Variants in CD200R1L observed in about 807,000 individuals in gnomAD.
CD200R1L encodes the protein cell surface glycoprotein CD200 receptor 2.
A neutral mutation model predicts 24.8 loss-of-function variants in CD200R1L; 14 were observed. The observed-to-expected ratio is 0.56, with a 90% CI of 0.37 to 0.88. The LOEUF (loss-of-function observed/expected upper bound fraction) is 0.88, where lower values mean the gene tolerates loss of function less well. Among genes scored for constraint, CD200R1L ranks in the 40% least tolerant of loss-of-function variants. The pLI is 0.00. For missense variants in CD200R1L, 299 were observed against 297.8 expected, an observed-to-expected ratio of 1.00 and a Z score of -0.03; for synonymous variants, 111 against 109.2, an observed-to-expected ratio of 1.02 and a Z score of -0.11.
At chr3:112,836,571 G>A (rs532377890) in intron 3 of CD200R1L, among the ~76,000 whole-genome samples, 1 of 152,360 alleles carries the variant, frequency 6.6e-6, no homozygotes, top group South Asian at 2.1e-4. Context: ...TGCTGTGGAT[G>A]TATCCTTGAT....
intron 6 of CD200R1L, among the ~76,000 whole-genome samples, chr3:112,821,897 G>A (rs762859360): frequency 1.1e-4 from 17 of 152,158 alleles, no homozygotes; most frequent in Admixed American, 2.0e-4. Flanking sequence ...GCTGGTCTGC[G>A]GGATTGAATA....
rs757988215 is a variant in CD200R1L, at chr3:112,827,504, A to C, written c.230T>G (p.Ile77Arg). 1 of 1,614,140 alleles carries C rather than the reference A, an allele frequency of 6.2e-7. No homozygotes were observed. The highest frequency in any genetic ancestry group is 8.5e-7 in the Non-Finnish European group (1 of 1,180,036). Reference sequence around the variant, plus strand: ...CTGATCAGGTCTAGAGACCCAGGTTATTCTCTCAACAGTACAGTTGGTTTC... The same window carrying C: ...CTGATCAGGTCTAGAGACCCAGGTTCTTCTCTCAACAGTACAGTTGGTTTC... ...TKETNCTVERITWVSRPDQNS... is the reference protein window; with the variant it reads ...TKETNCTVERRTWVSRPDQNS... The change falls in exon 5 of 8, where the codon ATA (isoleucine) becomes AGA (arginine). Residue 77 changes from isoleucine (I) to arginine (R), a missense_variant. Coordinates refer to ENST00000488794, the MANE Select transcript of CD200R1L (RefSeq NM_001199215.3).
At chr3:112,816,011 A>C in intron 7 of CD200R1L, 36 bp from the exon 8 acceptor site, 1 of 779,124 alleles carries the variant, frequency 1.3e-6, no homozygotes, top group Non-Finnish European at 2.4e-6. Flanking sequence ...TTTATATCTC[A>C]TTTTCCAGAG....
chr3:112,841,341 C>T (rs1939074933), intron 2 of CD200R1L: 11 of 441,224 alleles, frequency 2.5e-5, no homozygotes, highest in Middle Eastern at 3.3e-4. Context: ...GCTTCCTGTA[C>T]AGCCTGTGGA....
intron 4 of CD200R1L, among the ~76,000 whole-genome samples, chr3:112,828,283 G>T (rs1260466635): frequency 1.3e-5 from 2 of 152,128 alleles, no homozygotes; most frequent in Non-Finnish European, 1.5e-5. Context: ...GAGCTAGCTG[G>T]ACATGTTTTA....
intron 2 of CD200R1L, among the ~76,000 whole-genome samples, chr3:112,842,303 A>G (rs994087921): frequency 6.6e-6 from 1 of 152,250 alleles, no homozygotes; most frequent in African/African-American, 2.4e-5. Context: ...TAAACTGTGA[A>G]GATTTCATGG....
chr3:112,819,691 A>G, intron 7 of CD200R1L, 81 bp downstream of exon 7: 1 of 1,419,282 alleles, frequency 7.0e-7, no homozygotes. Context: ...AGCTTTTCCC[A>G]GTACATTGTA....
At chr3:112,835,450 C>G (rs1938915363) in intron 3 of CD200R1L, among the ~76,000 whole-genome samples, 1 of 152,224 alleles carries the variant, frequency 6.6e-6, no homozygotes, top group African/African-American at 2.4e-5. Context: ...CTCTCTGCAG[C>G]TGGTTGGCCC....
chr3:112,845,926 T>C lies in CD200R1L; in HGVS notation c.-334A>G. 1.9e-6 allele frequency: 1 copy of C among 527,704 alleles called. No homozygotes were observed. Among genetic ancestry groups the C allele is most frequent in the Non-Finnish European group, 3.4e-6 (1 of 297,786 alleles). The allele number at this position is 527,704 out of a possible 1,614,324, so 32.7% of individuals were successfully genotyped here. On this transcript the variant is annotated 5_prime_UTR_variant, in exon 2 of 8. Transcript: ENST00000488794. ...TATATGTTTTTGACTGATTAACCAC[T>C]GATGGGAAATGTCAGTGAGTTTTGC...
At position 112,834,550 on chromosome 3, in the gene CD200R1L, T is replaced by A. The variant is rs190480043; in HGVS notation, c.-18+3392A>T. On this transcript the variant is annotated intron_variant, in intron 3 of 7. Coordinates refer to ENST00000488794, the MANE Select transcript of CD200R1L (RefSeq NM_001199215.3). ...TTTGTCAGGGGTAATTTAAGCCTGA[T>A]CATCATGAGACAATAGTGCTATGGG... Among the ~76,000 whole-genome samples, 58 of 152,292 alleles carry A rather than the reference T, an allele frequency of 3.8e-4. No homozygotes were observed. In the East Asian group the frequency reaches 0.01, roughly 26 times the overall value.
intron 3 of CD200R1L, among the ~76,000 whole-genome samples, chr3:112,833,120 T>G (rs1938851905): frequency 6.6e-6 from 1 of 152,210 alleles, no homozygotes; most frequent in Admixed American, 6.5e-5. Flanking sequence ...ACAAATTATT[T>G]AACCTTACTT....
At chr3:112,825,752 C>CA (rs1203536179) in intron 6 of CD200R1L, among the ~76,000 whole-genome samples, 3 of 151,370 alleles carry the variant, frequency 2.0e-5, no homozygotes, top group African/African-American at 7.3e-5. Flanking sequence ...ATTTAAGGAA[C>CA]AAAAAAACTA....
chr3:112,818,948 A>T (rs1395910386), intron 7 of CD200R1L, among the ~76,000 whole-genome samples: 1 of 152,216 alleles, frequency 6.6e-6, no homozygotes, highest in African/African-American at 2.4e-5. Flanking sequence ...GAGACCGGGT[A>T]ATTTACGAAG....
rs759011122 is a variant in CD200R1L, at chr3:112,827,067, C to A, written c.542G>T (p.Gly181Val). The change falls in exon 6 of 8, where the codon GGC (glycine) becomes GTC (valine). Residue 181 changes from glycine (G) to valine (V), a missense_variant. Coordinates refer to ENST00000488794, the MANE Select transcript of CD200R1L (RefSeq NM_001199215.3). Reference protein sequence around the residue: ...VTVKSTCPWEGHKSTVTCHVS... With the variant: ...VTVKSTCPWEVHKSTVTCHVS... ...ATGGCAGGTCACAGTAGACTTGTGG[C>A]CCTCCCAGGGGCATGTACTCTTAAC... is the stretch of plus-strand genomic sequence containing the variant. The A allele has an allele frequency of 3.5e-5, 56 of 1,613,104 alleles. No individual in the cohort carries two copies. In the African/African-American group the frequency reaches 4.0e-4, roughly 12 times the overall value.
chr3:112,831,882 A>G (rs1341226544), intron 3 of CD200R1L, among the ~76,000 whole-genome samples: 2 of 152,236 alleles, frequency 1.3e-5, no homozygotes, highest in Non-Finnish European at 2.9e-5. Context: ...AAACTAATAC[A>G]GTGCTCTGCA....
At chr3:112,825,384 AAAATATTTAAAATTAGT>A in intron 6 of CD200R1L, among the ~76,000 whole-genome samples, 1 of 149,576 alleles carries the variant, frequency 6.7e-6, no homozygotes, top group Non-Finnish European at 1.5e-5. Context: ...AAAAGCTAAT[AAAATATTTAAAATTAGT>A]AAATATTATA....
intron 6 of CD200R1L, among the ~76,000 whole-genome samples, chr3:112,824,541 G>C (rs1201304287): frequency 6.6e-6 from 1 of 152,150 alleles, no homozygotes; most frequent in Non-Finnish European, 1.5e-5. Context: ...TACAAAGGTA[G>C]AATAAGAAGA....
At chr3:112,816,123 T>C (rs541388264) in intron 7 of CD200R1L, 148 bp from the exon 8 acceptor site, 36 of 623,580 alleles carry the variant, frequency 5.8e-5, no homozygotes, top group Non-Finnish European at 8.2e-5. Context: ...TTAATCAATG[T>C]GTCAATTACC....
At chr3:112,837,915 T>G in intron 3 of CD200R1L, 27 bp downstream of exon 3, 2 of 1,018,046 alleles carry the variant, frequency 2.0e-6, no homozygotes, top group Non-Finnish European at 2.5e-6. Context: ...CCCATCAAAC[T>G]GGTTATTAAG....
Sources: allele counts gnomAD v4.1 joint callset (sites outside exome capture counted in the v4.1 genomes callset), GRCh38; gene constraint gnomAD v4.1.1; transcripts MANE v1.5; gene names NCBI Gene and HGNC (gene_info 2026-07-23, HGNC 2026-07-21).